The following PLCB4 variants were observed in gnomAD, a reference collection of about 807,000 sequenced individuals.
The protein encoded by PLCB4 is phospholipase C beta 4.
In PLCB4, 77 loss-of-function variants were observed where a neutral mutation model predicts 178.8. The observed-to-expected ratio is 0.43, with a 90% CI of 0.36 to 0.52. PLCB4 has a LOEUF of 0.52. Among genes scored for constraint, PLCB4 ranks in the 20% least tolerant of loss-of-function variants. PLCB4 has a pLI of 0.00. For missense variants in PLCB4, 1,024 were observed against 1,453.4 expected (o/e 0.70, Z 4.80); for synonymous variants, 496 against 490.8 (o/e 1.01, Z -0.14).
intron 2 of PLCB4, among the ~76,000 whole-genome samples, chr20:9,107,060 CACCCAGCTTCAACTGTT>C (rs59223966): frequency 0.022 from 3,358 of 152,272 alleles, 115 homozygotes; most frequent in African/African-American, 0.075. Flanking sequence ...ATATGACCAT[CACCCAGCTTCAACTGTT>C]ACCCAGTCAT....
chr20:9,259,100 A>G (rs373750095), intron 3 of PLCB4, among the ~76,000 whole-genome samples: 1 of 152,350 alleles, frequency 6.6e-6, no homozygotes, highest in East Asian at 1.9e-4. Flanking sequence ...GAAATCCTAA[A>G]AGCAAATGAC....
In PLCB4 at chr20:9,226,982, G is replaced by GT. The variant is rs934870739; in HGVS notation, c.-16+9538dup. ...CACTAATTTTTTGTTTTTTTTGTTT[G>GT]TTTTTTTTAAATTAGAGCTTTCTTA... On this transcript the variant is annotated intron_variant, in intron 3 of 39. Transcript: ENST00000378473. Among the ~76,000 whole-genome samples, 155 of 151,440 alleles carry GT rather than the reference G, an allele frequency of 1.0e-3. 1 individual carries two copies. The highest frequency in any genetic ancestry group is 4.8e-4 in the African/African-American group (20 of 41,308).
intron 2 of PLCB4, among the ~76,000 whole-genome samples, chr20:9,125,091 T>A (rs1211087470): frequency 1.3e-5 from 2 of 152,158 alleles, no homozygotes; most frequent in African/African-American, 4.8e-5. Context: ...ACTCCATCAA[T>A]TCACCAGGCG....
intron 2 of PLCB4, among the ~76,000 whole-genome samples, chr20:9,096,573 A>C (rs867469981): frequency 2.6e-5 from 4 of 152,330 alleles, no homozygotes; most frequent in Admixed American, 1.3e-4. Context: ...AATGTATGTG[A>C]TGTATAATAA....
chr20:9,375,176 C>G (rs1219522110), intron 12 of PLCB4, among the ~76,000 whole-genome samples: 1 of 152,128 alleles, frequency 6.6e-6, no homozygotes, highest in Non-Finnish European at 1.5e-5. Context: ...CTTGAAGAAG[C>G]CTTGTCAAAC....
In PLCB4 at chr20:9,472,775, G is replaced by A; in HGVS notation, c.3351-15G>A. The A allele has an allele frequency of 6.5e-7, 1 of 1,547,574 alleles. No individual in the cohort carries two copies. The highest frequency in any genetic ancestry group is 1.2e-5 in the South Asian group (1 of 85,468). ...CAATGTCATACCAACCGTTATTTGT[G>A]CCCATTGCTTTTAGGCGAGTCAGGG... On this transcript the variant is annotated splice_polypyrimidine_tract_variant and intron_variant, in intron 36 of 39. Transcript: ENST00000378473.
intron 9 of PLCB4, among the ~76,000 whole-genome samples, chr20:9,367,071 A>T (rs902387814): frequency 6.6e-6 from 1 of 152,164 alleles, no homozygotes; most frequent in Admixed American, 6.5e-5. Flanking sequence ...TCTGCTCTGC[A>T]GCTTCCATTC....
intron 7 of PLCB4, among the ~76,000 whole-genome samples, chr20:9,354,591 CTGA>C (rs2034626206): frequency 1.3e-5 from 2 of 152,314 alleles, no homozygotes; most frequent in Admixed American, 6.5e-5. Context: ...GCTCAACCCG[CTGA>C]TCAAGGGAAC....
chr20:9,241,389 TACACAC>T (rs11470548), intron 3 of PLCB4, among the ~76,000 whole-genome samples: 6,886 of 148,112 alleles, frequency 0.046, 204 homozygotes, highest in East Asian at 0.17. Context: ...CATGCATGCA[TACACAC>T]ACACACACAC....
rs577744773 is a variant in PLCB4, at chr20:9,203,746, C to G, written c.-78-13644C>G. Among the ~76,000 whole-genome samples, 10 of 144,010 alleles carry G rather than the reference C, an allele frequency of 6.9e-5. No homozygotes were observed. In the South Asian group the frequency reaches 1.8e-3, roughly 26 times the overall value. The allele number at this position is 144,010 out of a possible 152,430, so 94.5% of individuals were successfully genotyped here. A position where few individuals can be genotyped will look rare whatever the true frequency, so the allele number is the denominator to read the frequency against. On this transcript the variant is annotated intron_variant, in intron 2 of 39. Transcript: ENST00000378473. The stretch of plus-strand genomic sequence containing the variant: ...GGTTTCTCTCACTCCCAAAACCACT[C>G]TATATTCCGAAGGCTCCATTTGGGA...
chr20:9,107,014 A>G (rs189732599), intron 2 of PLCB4, among the ~76,000 whole-genome samples: 137 of 152,302 alleles, frequency 9.0e-4, no homozygotes, highest in Non-Finnish European at 1.6e-4. Flanking sequence ...AATTTCAAAT[A>G]TACACAAAAG....
intron 7 of PLCB4, among the ~76,000 whole-genome samples, chr20:9,346,052 A>G (rs908871384): frequency 2.0e-5 from 3 of 152,166 alleles, no homozygotes; most frequent in Non-Finnish European, 2.9e-5. Flanking sequence ...CAGTTCCTCT[A>G]CTGATATTTA....
At chr20:9,391,842 A>G (rs2038172762) in intron 17 of PLCB4, among the ~76,000 whole-genome samples, 1 of 152,092 alleles carries the variant, frequency 6.6e-6, no homozygotes, top group Non-Finnish European at 1.5e-5. Context: ...AACCCTGAGC[A>G]CCTGCTCTTC....
chr20:9,259,952 G>A (rs1280620407), intron 3 of PLCB4, among the ~76,000 whole-genome samples: 1 of 151,942 alleles, frequency 6.6e-6, no homozygotes, highest in Admixed American at 6.6e-5. Context: ...ACTAGAAAAT[G>A]TAAAATCACA....
rs535219063 is a variant in PLCB4 at position 9,176,457 on chromosome 20, G to A, written c.-78-40933G>A. On this transcript the variant is annotated intron_variant, in intron 2 of 39. Transcript: ENST00000378473. ...GGTTGAACTATTTTCATTCCATCCA[G>A]CAGTATCTGAGTATTTTCACTAGGC... Among the ~76,000 whole-genome samples, 4 of 152,230 alleles carry A rather than the reference G, an allele frequency of 2.6e-5. No individual in the cohort carries two copies. In the South Asian group the frequency reaches 8.3e-4, roughly 32 times the overall value.
intron 2 of PLCB4, among the ~76,000 whole-genome samples, chr20:9,204,409 A>G (rs1321953352): frequency 6.6e-6 from 1 of 152,078 alleles, no homozygotes; most frequent in Non-Finnish European, 1.5e-5. Flanking sequence ...ACCAGGCTGG[A>G]GTGCAGTGAC....
intron 25 of PLCB4, among the ~76,000 whole-genome samples, chr20:9,416,180 A>C (rs2040231676): frequency 6.6e-6 from 1 of 152,154 alleles, no homozygotes; most frequent in Non-Finnish European, 1.5e-5. Flanking sequence ...TTTTGGATCA[A>C]TTCACTCCTT....
At chr20:9,125,637 G>T (rs1255030283) in intron 2 of PLCB4, among the ~76,000 whole-genome samples, 1 of 152,056 alleles carries the variant, frequency 6.6e-6, no homozygotes, top group Non-Finnish European at 1.5e-5. Context: ...CTTCTTAGAG[G>T]TTCATGGCAT....
chr20:9,404,265 T>C (rs954519855), intron 20 of PLCB4, among the ~76,000 whole-genome samples: 6 of 152,188 alleles, frequency 3.9e-5, no homozygotes, highest in African/African-American at 1.4e-4. Context: ...ACCTGATTAG[T>C]GAAGACAGTG....
Sources: gnomAD v4.1 joint callset for allele counts (sites outside exome capture counted in the v4.1 genomes callset) on GRCh38, gnomAD v4.1.1 for gene constraint, MANE v1.5 for transcripts, NCBI Gene and HGNC (gene_info 2026-07-23, HGNC 2026-07-21) for gene names.